The following NUTM2G variants were observed in gnomAD, a reference collection of about 807,000 sequenced individuals.
NUTM2G encodes the protein family with sequence similarity 22, member G.
A neutral mutation model predicts 44.3 loss-of-function variants in NUTM2G; 29 were observed. That is an observed-to-expected ratio of 0.66 (90% CI 0.49 to 0.89). The LOEUF (loss-of-function observed/expected upper bound fraction) is 0.89, where lower values mean the gene tolerates loss of function less well. Ranked by LOEUF, NUTM2G falls within the 40% of genes least tolerant of loss-of-function variation. The pLI, the probability that NUTM2G is intolerant of heterozygous loss-of-function variation, is 0.00. For synonymous variants in NUTM2G, 205 were observed against 395.9 expected, an observed-to-expected ratio of 0.52 and a Z score of 5.72; for missense variants, 502 against 946.5, an observed-to-expected ratio of 0.53 and a Z score of 6.16.
At chr9:96,934,335 C>T (rs1409657653) in intron 2 of NUTM2G, among the ~76,000 whole-genome samples, 1 of 152,242 alleles carries the variant, frequency 6.6e-6, no homozygotes, top group African/African-American at 2.4e-5. Context: ...AGGGGAGTCC[C>T]CTGCCTGGGG....
intron 1 of NUTM2G, among the ~76,000 whole-genome samples, chr9:96,930,896 T>C (rs1272409220): frequency 1.2e-5 from 1 of 85,158 alleles, no homozygotes; most frequent in African/African-American, 6.9e-5. Flanking sequence ...TTTTTTTTTT[T>C]TTTTTTTTTT....
chr9:96,931,740 C>G lies in NUTM2G; in HGVS notation c.35C>G (p.Pro12Arg). Reference sequence around the variant, plus strand: ...TCCACAGCATACCCAGTGCTGGGACCCGGCGTGACCGTGAACCCTGGCACC... The same window carrying G: ...TCCACAGCATACCCAGTGCTGGGACGCGGCGTGACCGTGAACCCTGGCACC... Reference protein sequence around the residue: ...ASNGAYPVLGPGVTVNPGTSL... With the variant: ...ASNGAYPVLGRGVTVNPGTSL... Residue 12 changes from proline (P) to arginine (R), a missense_variant, in exon 2 of 7, where the codon CCC (proline) becomes CGC (arginine). Physicochemically the swap from Pro to Arg is moderately radical, Grantham distance 103 (BLOSUM62 -2). Transcript: ENST00000372322. 1 of 1,611,554 alleles carries G rather than the reference C, an allele frequency of 6.2e-7. No homozygotes were observed. Among genetic ancestry groups the G allele is most frequent in the Non-Finnish European group, 8.5e-7 (1 of 1,179,838 alleles).
Position 96,937,097 on chromosome 9 carries a change from C to G in NUTM2G, c.1016C>G (p.Pro339Arg). 1 of 1,610,444 alleles carries G rather than the reference C, an allele frequency of 6.2e-7. No individual in the cohort carries two copies. Among genetic ancestry groups the G allele is most frequent in the Non-Finnish European group, 8.5e-7 (1 of 1,179,314 alleles). Residue 339 changes from proline to arginine, a missense_variant, in exon 5 of 7, where the codon CCG becomes CGG. Coordinates refer to ENST00000372322, the MANE Select transcript of NUTM2G (RefSeq NM_001170741.3). ...CCCAGCAAGGATGGCCCCAAGGCCCCGACTGCCTGCCTGCCACCACCCAGG... is the reference window on the plus strand; with the variant it reads ...CCCAGCAAGGATGGCCCCAAGGCCCGGACTGCCTGCCTGCCACCACCCAGG... ...YLPSKDGPKA[P>R]TACLPPPRPQ... is the part of the protein sequence containing the mutation.
At position 96,937,349 on chromosome 9, in the gene NUTM2G, C is replaced by G. The variant is rs770651527; in HGVS notation, c.1268C>G (p.Pro423Arg). 2 of 1,613,804 alleles carry G rather than the reference C, an allele frequency of 1.2e-6. No homozygotes were observed. Among genetic ancestry groups the G allele is most frequent in the Non-Finnish European group, 1.7e-6 (2 of 1,179,876 alleles). Reference sequence around the variant, plus strand: ...GAAGAGGACGGGATGACCTCAGACCCGGGCCTCCTGAGCTACATTGACAAG... The same window carrying G: ...GAAGAGGACGGGATGACCTCAGACCGGGGCCTCCTGAGCTACATTGACAAG... ...PQEEDGMTSD[P>R]GLLSYIDKLC... The change falls in exon 5 of 7, where the codon CCG (proline) becomes CGG (arginine). Residue 423 changes from proline (P) to arginine (R), a missense_variant. Pro to Arg is a moderately radical substitution (Grantham distance 103). Transcript: ENST00000372322.
At position 96,937,124 on chromosome 9, in the gene NUTM2G, C is replaced by G; in HGVS notation, c.1043C>G (p.Pro348Arg). The change falls in exon 5 of 7, where the codon CCC becomes CGC. Residue 348 changes from proline (P) to arginine (R), a missense_variant. By Grantham distance (103) the Pro-to-Arg change is moderately radical. Transcript: ENST00000372322. ...ACTGCCTGCCTGCCACCACCCAGGC[C>G]CCAGAGGCCAGCGGAGACCAAGGCC... ...APTACLPPPR[P>R]QRPAETKAHL... 1.2e-6 allele frequency: 2 copies of G among 1,611,810 alleles called. No homozygotes were observed. The highest frequency in any genetic ancestry group is 1.7e-6 in the Non-Finnish European group (2 of 1,179,742).
downstream of NUTM2G, chr9:96,940,397 T>C (rs959111410): frequency 3.3e-5 from 5 of 149,626 alleles, no homozygotes; most frequent in Admixed American, 2.0e-4. Context: ...CTGGGGAGGA[T>C]ACTCTGCTTT....
intron 6 of NUTM2G, 43 bp downstream of exon 6, chr9:96,938,044 G>A: frequency 6.2e-7 from 1 of 1,611,224 alleles, no homozygotes; most frequent in African/African-American, 1.3e-5. Flanking sequence ...TCCAGGGGCA[G>A]GAGGGACCCG....
chr9:96,935,061 C>T (rs985124463), intron 2 of NUTM2G, among the ~76,000 whole-genome samples: 1 of 152,234 alleles, frequency 6.6e-6, no homozygotes, highest in African/African-American at 2.4e-5. Flanking sequence ...GTTGGGGACA[C>T]ACATGTTCCA....
intron 3 of NUTM2G, among the ~76,000 whole-genome samples, chr9:96,935,955 C>G (rs1333544517): frequency 1.3e-5 from 2 of 150,540 alleles, no homozygotes; most frequent in Non-Finnish European, 3.0e-5. Context: ...TGAAGACAGA[C>G]AGACAGCAGC....
rs1400277678 is a variant in NUTM2G at position 96,936,556 on chromosome 9, A to G, written c.974A>G (p.Lys325Arg). 6.4e-7 allele frequency: 1 copy of G among 1,553,436 alleles called. No individual in the cohort carries two copies. The highest frequency in any genetic ancestry group is 1.4e-5 in the African/African-American group (1 of 73,762). The change falls in exon 4 of 7, where the codon AAG becomes AGG. Residue 325 changes from lysine (K) to arginine (R), a missense_variant. By Grantham distance (26) the Lys-to-Arg change is conservative. Coordinates refer to ENST00000372322, the MANE Select transcript of NUTM2G (RefSeq NM_001170741.3). ...PRGPPAPEVV[K>R]QPVYLPSKDG... Reference sequence around the variant, plus strand: ...GGACCCCCTGCCCCTGAGGTGGTCAAGCAGCCAGGTACAGCTTCCCACATT... The same window carrying G: ...GGACCCCCTGCCCCTGAGGTGGTCAGGCAGCCAGGTACAGCTTCCCACATT...
chr9:96,937,593 TTG>T (rs1228676638), intron 5 of NUTM2G, among the ~76,000 whole-genome samples, 189 bp downstream of exon 5: 2 of 152,096 alleles, frequency 1.3e-5, no homozygotes, highest in African/African-American at 4.8e-5. Context: ...TACTGTGTCT[TTG>T]TGTGTCTGTG....
At chr9:96,936,187 C>T (rs1203544170) in intron 3 of NUTM2G, among the ~76,000 whole-genome samples, 1 of 150,232 alleles carries the variant, frequency 6.7e-6, no homozygotes, top group Non-Finnish European at 1.5e-5. Context: ...GACCTCGTGG[C>T]CCTGACTTGA....
intron 2 of NUTM2G, among the ~76,000 whole-genome samples, chr9:96,934,859 G>A (rs1216197601): frequency 6.6e-6 from 1 of 152,032 alleles, no homozygotes; most frequent in Non-Finnish European, 1.5e-5. Flanking sequence ...TGTCTGGTCA[G>A]GGCCCTCTTC....
At position 96,937,302 on chromosome 9, in the gene NUTM2G, G is replaced by T. The variant is rs370528929; in HGVS notation, c.1221G>T (p.Lys407Asn). The change falls in exon 5 of 7, where the codon AAG (lysine) becomes AAT (asparagine). Residue 407 changes from lysine to asparagine, a missense_variant. Lys to Asn is a moderately conservative substitution (Grantham distance 94, BLOSUM62 0). Transcript: ENST00000372322. ...DTGEPEGQRE[K>N]GKVEQPQEED... Reference sequence around the variant, plus strand: ...GGGAGCCTGAGGGACAACGGGAAAAGGGCAAAGTGGAGCAGCCGCAGGAAG... The same window carrying T: ...GGGAGCCTGAGGGACAACGGGAAAATGGCAAAGTGGAGCAGCCGCAGGAAG... 2 of 1,613,900 alleles carry T rather than the reference G, an allele frequency of 1.2e-6. No individual in the cohort carries two copies. The highest frequency in any genetic ancestry group is 1.7e-6 in the Non-Finnish European group (2 of 1,179,866).
intron 5 of NUTM2G, among the ~76,000 whole-genome samples, chr9:96,937,674 C>CTGTGTGTCTGTGTGTGGTT (rs1175525722): frequency 3.3e-5 from 5 of 149,936 alleles, no homozygotes; most frequent in African/African-American, 1.3e-4. Context: ...GTACATGGGT[C>CTGTGTGTCTGTGTGTGGTT]TGTGTGTCTG....
chr9:96,929,176 C>T (rs985172630), intron 1 of NUTM2G, 136 bp downstream of exon 1: 1 of 1,407,856 alleles, frequency 7.1e-7, no homozygotes, highest in Non-Finnish European at 9.9e-7. Context: ...GGACATCACA[C>T]CTGGGGATGG....
chr9:96,935,176 G>A (rs1826386264), intron 2 of NUTM2G, 152 bp from the exon 3 acceptor site: 1 of 1,399,336 alleles, frequency 7.1e-7, no homozygotes, highest in African/African-American at 1.4e-5. Context: ...TTGGGGGTGT[G>A]TCCTGGAGGC....
At chr9:96,934,533 G>A (rs1204187749) in intron 2 of NUTM2G, among the ~76,000 whole-genome samples, 8 of 152,018 alleles carry the variant, frequency 5.3e-5, no homozygotes, top group Non-Finnish European at 1.0e-4. Context: ...GTGCCTGGCT[G>A]CTTGCAGTGG....
chr9:96,940,689 G>A (rs3895381), downstream of NUTM2G, among the ~76,000 whole-genome samples: 3,716 of 148,952 alleles, frequency 0.025, 1 homozygote, highest in East Asian at 0.23. Flanking sequence ...GCTGGGAGTT[G>A]GCCCAGCAGC....
Sources: gnomAD v4.1 joint callset for allele counts (sites outside exome capture counted in the v4.1 genomes callset) on GRCh38, gnomAD v4.1.1 for gene constraint, MANE v1.5 for transcripts, NCBI Gene and HGNC (gene_info 2026-07-23, HGNC 2026-07-21) for gene names.